CDC42SE2: variants seen among roughly 807,000 people sequenced by gnomAD.
The protein encoded by CDC42SE2 is CDC42 small effector 2.
A neutral mutation model predicts 11.5 loss-of-function variants in CDC42SE2; 3 were observed. The ratio of observed to expected loss-of-function variants is 0.26; its 90% CI spans 0.12 to 0.67. The LOEUF is 0.67. Ranked by LOEUF, CDC42SE2 falls within the 30% of genes least tolerant of loss-of-function variation. The probability of loss-of-function intolerance (pLI) is 0.80; values close to 1 mark genes in which losing one functional copy is unlikely to be tolerated. For missense variants in CDC42SE2, 82 were observed against 106.8 expected (o/e 0.77, Z 1.02); for synonymous variants, 33 against 34.8 (o/e 0.95, Z 0.18).
At chr5:131,317,075 A>T (rs182150576) in intron 2 of CDC42SE2, among the ~76,000 whole-genome samples, 383 of 152,342 alleles carry the variant, frequency 2.5e-3, no homozygotes, top group African/African-American at 8.5e-3. Flanking sequence ...AAGTATTTGA[A>T]AAACCAATCC....
intron 1 of CDC42SE2, among the ~76,000 whole-genome samples, chr5:131,289,533 C>G (rs113017841): frequency 2.0e-5 from 3 of 151,502 alleles, no homozygotes; most frequent in African/African-American, 7.3e-5. Flanking sequence ...ATTAGCTGGG[C>G]GTGGTGGCAC....
At chr5:131,249,174 C>T (rs781158886) in intron 1 of CDC42SE2, among the ~76,000 whole-genome samples, 5 of 151,968 alleles carry the variant, frequency 3.3e-5, no homozygotes, top group Non-Finnish European at 7.4e-5. Context: ...TACACCACCA[C>T]GCCTGGCTGT....
intron 1 of CDC42SE2, among the ~76,000 whole-genome samples, chr5:131,246,755 C>G (rs1318249529): frequency 1.5e-5 from 2 of 137,074 alleles, no homozygotes; most frequent in Non-Finnish European, 3.1e-5. Flanking sequence ...ATTTTTCACT[C>G]AAATCCTTTT....
chr5:131,250,866 C>A (rs779420832), intron 1 of CDC42SE2, among the ~76,000 whole-genome samples: 3 of 152,016 alleles, frequency 2.0e-5, no homozygotes, highest in African/African-American at 7.3e-5. Flanking sequence ...AGAGCAAGAT[C>A]CCAGGGTCTC....
upstream of CDC42SE2, among the ~76,000 whole-genome samples, chr5:131,259,893 A>G (rs1353042366): frequency 6.6e-6 from 1 of 152,256 alleles, no homozygotes; most frequent in Non-Finnish European, 1.5e-5. Flanking sequence ...GTGGTGGCAG[A>G]AGAAATGTTA....
intron 2 of CDC42SE2, among the ~76,000 whole-genome samples, chr5:131,344,316 C>G (rs927570028): frequency 1.6e-4 from 24 of 152,328 alleles, no homozygotes; most frequent in African/African-American, 5.5e-4. Flanking sequence ...ACTGCGCTTT[C>G]CAACAGCCTT....
At chr5:131,295,327 A>G (rs1757547920) in intron 1 of CDC42SE2, among the ~76,000 whole-genome samples, 1 of 152,042 alleles carries the variant, frequency 6.6e-6, no homozygotes, top group Non-Finnish European at 1.5e-5. Flanking sequence ...ACAAAAAAAG[A>G]TAGCTATTAC....
chr5:131,318,703 C>T (rs1261570953), intron 2 of CDC42SE2, among the ~76,000 whole-genome samples: 5 of 152,188 alleles, frequency 3.3e-5, no homozygotes, highest in African/African-American at 1.2e-4. Context: ...GCATGAGCCA[C>T]TAAATTTCAT....
the CDC42SE2 span, among the ~76,000 whole-genome samples, chr5:131,215,531 T>C: frequency 6.6e-6 from 1 of 152,206 alleles, no homozygotes; most frequent in South Asian, 2.1e-4. Flanking sequence ...TCCACCTTAG[T>C]CTGTTTTTTA....
chr5:131,327,184 A>T (rs1193292620), intron 2 of CDC42SE2, among the ~76,000 whole-genome samples: 2 of 151,924 alleles, frequency 1.3e-5, no homozygotes, highest in Non-Finnish European at 2.9e-5. Context: ...TTTTGTTCTT[A>T]TGATGATTGC....
intron 3 of CDC42SE2, among the ~76,000 whole-genome samples, chr5:131,361,011 TA>T (rs1468748385): frequency 1.3e-5 from 2 of 151,512 alleles, no homozygotes; most frequent in African/African-American, 4.8e-5. Context: ...TATTTTTCTT[TA>T]TTTTTTTTCT....
chr5:131,262,570 A>C (rs927608311), upstream of CDC42SE2, among the ~76,000 whole-genome samples: 1 of 152,202 alleles, frequency 6.6e-6, no homozygotes, highest in Non-Finnish European at 1.5e-5. Context: ...AAAGCTAAAC[A>C]TATCAGATAA....
chr5:131,299,870 A>G (rs1375504501), intron 1 of CDC42SE2, among the ~76,000 whole-genome samples: 2 of 152,164 alleles, frequency 1.3e-5, no homozygotes, highest in South Asian at 2.1e-4. Flanking sequence ...TTTTGACTGG[A>G]TTGTCTGAGA....
rs1580762053 is a variant in CDC42SE2 at position 131,336,065 on chromosome 5, G to A, written c.-286+19921G>A. Among the ~76,000 whole-genome samples the A allele has an allele frequency of 2.0e-5, 3 of 152,260 alleles. No individual in the cohort carries two copies. The East Asian group carries it at 5.8e-4, about 29-fold the overall frequency. ...GTTGATGCAGTTTCTTCCTAGCCTTGATGATCTTTACAATTTGGCATGTTT... is the reference window on the plus strand; with the variant it reads ...GTTGATGCAGTTTCTTCCTAGCCTTAATGATCTTTACAATTTGGCATGTTT... On this transcript the variant is annotated intron_variant, in intron 2 of 4. Transcript: ENST00000505065.
At chr5:131,224,327 A>G in the CDC42SE2 span, among the ~76,000 whole-genome samples, 20 of 152,216 alleles carry the variant, frequency 1.3e-4, no homozygotes, top group Admixed American at 3.3e-4. Context: ...AATAGATCTC[A>G]TAGAGAATTC....
chr5:131,307,399 T>C (rs1281668640), intron 1 of CDC42SE2, among the ~76,000 whole-genome samples: 1 of 152,050 alleles, frequency 6.6e-6, no homozygotes, highest in Non-Finnish European at 1.5e-5. Flanking sequence ...CATGAACTCA[T>C]CATTTTTTAT....
At chr5:131,326,722 A>G (rs1758308402) in intron 2 of CDC42SE2, among the ~76,000 whole-genome samples, 1 of 152,106 alleles carries the variant, frequency 6.6e-6, no homozygotes, top group Admixed American at 6.6e-5. Flanking sequence ...AATATGTAAT[A>G]TCTCACTTTG....
chr5:131,283,219 G>C (rs931416752), intron 1 of CDC42SE2, among the ~76,000 whole-genome samples: 1 of 151,998 alleles, frequency 6.6e-6, no homozygotes, highest in Non-Finnish European at 1.5e-5. Context: ...GAGCCACTGC[G>C]CCTGGCCAAA....
intron 2 of CDC42SE2, among the ~76,000 whole-genome samples, chr5:131,319,772 C>T (rs1400071629): frequency 6.6e-6 from 1 of 152,074 alleles, no homozygotes; most frequent in African/African-American, 2.4e-5. Context: ...AGCATTTAGG[C>T]CAGGCACGGT....
Sources: allele counts gnomAD v4.1 joint callset (sites outside exome capture counted in the v4.1 genomes callset), GRCh38; gene constraint gnomAD v4.1.1; transcripts MANE v1.5; gene names NCBI Gene and HGNC (gene_info 2026-07-23, HGNC 2026-07-21).